OLFM3: variants seen among roughly 807,000 people sequenced by gnomAD.
OLFM3 encodes noelin-3.
In OLFM3, 20 loss-of-function variants were observed where a neutral mutation model predicts 48.6. The observed-to-expected ratio is 0.41, with a 90% CI of 0.29 to 0.60. The LOEUF (loss-of-function observed/expected upper bound fraction) is 0.60, where lower values mean the gene tolerates loss of function less well. Among genes scored for constraint, OLFM3 ranks in the 20% least tolerant of loss-of-function variants. The probability of loss-of-function intolerance (pLI) is 0.28; values close to 1 mark genes in which losing one functional copy is unlikely to be tolerated. For synonymous variants in OLFM3, 222 were observed against 198.1 expected, an observed-to-expected ratio of 1.12 and a Z score of -1.01; for missense variants, 437 against 544.3, an observed-to-expected ratio of 0.80 and a Z score of 1.96.
chr1:101,842,443 C>T (rs931389118), intron 1 of OLFM3, among the ~76,000 whole-genome samples: 1 of 151,984 alleles, frequency 6.6e-6, no homozygotes, highest in Non-Finnish European at 1.5e-5. Context: ...AGATGGGGGG[C>T]CGCTGAAGTG....
chr1:101,803,310 T>A lies in OLFM3; in HGVS notation c.*928A>T, dbSNP rs1452323599. On this transcript the variant is annotated 3_prime_UTR_variant, in exon 6 of 6. Coordinates refer to ENST00000370103, the MANE Select transcript of OLFM3 (RefSeq NM_058170.4). Reference sequence around the variant, plus strand: ...ATTTCTTTAGTGTATAATAAATGAGTAGAGTCAACTCAAATCCAATATTTG... The same window carrying A: ...ATTTCTTTAGTGTATAATAAATGAGAAGAGTCAACTCAAATCCAATATTTG... 1 of 152,052 alleles carries A rather than the reference T, an allele frequency of 6.6e-6. No individual in the cohort carries two copies. Among genetic ancestry groups the A allele is most frequent in the Non-Finnish European group, 1.5e-5 (1 of 67,772 alleles). The allele number at this position is 152,052 out of a possible 1,614,324, so 9.4% of individuals were successfully genotyped here.
At chr1:101,861,534 G>T (rs1656657266) in intron 1 of OLFM3, among the ~76,000 whole-genome samples, 1 of 152,228 alleles carries the variant, frequency 6.6e-6, no homozygotes, top group Admixed American at 6.5e-5. Context: ...AGCCTGAATA[G>T]TTGCTGATTG....
At chr1:101,824,274 C>A (rs1039813600) in intron 4 of OLFM3, among the ~76,000 whole-genome samples, 2 of 152,120 alleles carry the variant, frequency 1.3e-5, no homozygotes, top group Non-Finnish European at 1.5e-5. Flanking sequence ...TGTAGCTCCT[C>A]CTTATTCAAT....
At chr1:101,806,310 G>C (rs1653775389) in intron 4 of OLFM3, 128 bp from the exon 5 acceptor site, 2 of 677,754 alleles carry the variant, frequency 3.0e-6, no homozygotes, top group African/African-American at 3.6e-5. Flanking sequence ...TCACATTTCT[G>C]AATAAATGAT....
intron 1 of OLFM3, among the ~76,000 whole-genome samples, chr1:101,862,594 T>C (rs1001829641): frequency 6.6e-6 from 1 of 152,244 alleles, no homozygotes; most frequent in Admixed American, 6.5e-5. Flanking sequence ...TTCATTCTTA[T>C]GACCTTAGAT....
At chr1:101,895,915 G>A (rs1481014208) in intron 1 of OLFM3, among the ~76,000 whole-genome samples, 3 of 151,270 alleles carry the variant, frequency 2.0e-5, no homozygotes, top group Non-Finnish European at 4.4e-5. Flanking sequence ...AAGTTTTAAA[G>A]CCTAGAGCAG....
At chr1:101,993,530 A>G in intron 1 of OLFM3, among the ~76,000 whole-genome samples, 1 of 152,130 alleles carries the variant, frequency 6.6e-6, no homozygotes, top group East Asian at 1.9e-4. Context: ...CTATAATTCA[A>G]ACACTCCATT....
chr1:101,903,319 T>C (rs1226747734), intron 1 of OLFM3, among the ~76,000 whole-genome samples: 3 of 151,986 alleles, frequency 2.0e-5, no homozygotes, highest in African/African-American at 7.2e-5. Flanking sequence ...AGAACTGTAT[T>C]AGAGAGGAGT....
At chr1:101,985,107 C>T (rs1048383187) in intron 1 of OLFM3, among the ~76,000 whole-genome samples, 2 of 152,182 alleles carry the variant, frequency 1.3e-5, no homozygotes, top group African/African-American at 4.8e-5. Context: ...CTTGTGCATC[C>T]TTTCCCCATT....
At chr1:101,884,241 A>C (rs1360991771) in intron 1 of OLFM3, among the ~76,000 whole-genome samples, 1 of 152,042 alleles carries the variant, frequency 6.6e-6, no homozygotes, top group East Asian at 1.9e-4. Context: ...TCATTATATG[A>C]GAATTTAAAG....
At chr1:101,961,506 A>G (rs1305625794) in intron 1 of OLFM3, among the ~76,000 whole-genome samples, 1 of 152,072 alleles carries the variant, frequency 6.6e-6, no homozygotes, top group Non-Finnish European at 1.5e-5. Context: ...AGTCTAGTAA[A>G]TAAAATTAAG....
intron 1 of OLFM3, among the ~76,000 whole-genome samples, chr1:101,950,566 G>T (rs1660113824): frequency 6.6e-6 from 1 of 151,496 alleles, no homozygotes; most frequent in Admixed American, 6.6e-5. Context: ...AGCCTCCCGA[G>T]TAGCTGGGAC....
intron 1 of OLFM3, among the ~76,000 whole-genome samples, chr1:101,958,080 T>C (rs1425554189): frequency 6.6e-6 from 1 of 152,112 alleles, no homozygotes; most frequent in Non-Finnish European, 1.5e-5. Context: ...ATATCACCTA[T>C]TCTGTCTCTA....
At chr1:101,867,773 C>T (rs953901744) in intron 1 of OLFM3, among the ~76,000 whole-genome samples, 1 of 152,170 alleles carries the variant, frequency 6.6e-6, no homozygotes, top group African/African-American at 2.4e-5. Flanking sequence ...ATAAAGTCAG[C>T]ATGAGGGTTA....
intron 1 of OLFM3, among the ~76,000 whole-genome samples, chr1:101,871,989 T>G (rs142131546): frequency 1.9e-3 from 293 of 152,196 alleles, no homozygotes; most frequent in African/African-American, 6.7e-3. Context: ...CACTTTGAGT[T>G]AAAGATTTAT....
chr1:101,867,191 T>C (rs907903908), intron 1 of OLFM3, among the ~76,000 whole-genome samples: 10 of 152,204 alleles, frequency 6.6e-5, no homozygotes, highest in Middle Eastern at 3.2e-3. Context: ...AACATGACCA[T>C]TGTTGCACAG....
intron 1 of OLFM3, among the ~76,000 whole-genome samples, chr1:101,908,738 AG>A (rs1450355962): frequency 6.6e-6 from 1 of 152,202 alleles, no homozygotes; most frequent in Non-Finnish European, 1.5e-5. Context: ...TGTTCATATA[AG>A]AGATATATAG....
chr1:101,882,292 T>C (rs1657560827), intron 1 of OLFM3, among the ~76,000 whole-genome samples: 1 of 147,628 alleles, frequency 6.8e-6, no homozygotes, highest in East Asian at 2.0e-4. Context: ...CAACACTATG[T>C]TATTTCTACC....
intron 1 of OLFM3, among the ~76,000 whole-genome samples, chr1:101,974,586 A>G (rs1035991538): frequency 1.3e-5 from 2 of 152,112 alleles, no homozygotes; most frequent in East Asian, 1.9e-4. Flanking sequence ...ATAAGGACCC[A>G]TAGTGTCCTC....
Sources: gnomAD v4.1 joint callset for allele counts (sites outside exome capture counted in the v4.1 genomes callset) on GRCh38, gnomAD v4.1.1 for gene constraint, MANE v1.5 for transcripts, NCBI Gene and HGNC (gene_info 2026-07-23, HGNC 2026-07-21) for gene names.